Variants in CMIP observed in about 807,000 individuals in gnomAD.
CMIP encodes the protein C-Maf-inducing protein.
In CMIP, 13 loss-of-function variants were observed where a neutral mutation model predicts 97.3. The ratio of observed to expected loss-of-function variants is 0.13; its 90% CI spans 0.09 to 0.21. The LOEUF is 0.21. Among genes scored for constraint, CMIP ranks in the 10% least tolerant of loss-of-function variants. The probability of loss-of-function intolerance (pLI) is 1.00; values close to 1 mark genes in which losing one functional copy is unlikely to be tolerated. For missense variants in CMIP, 847 were observed against 1,024.9 expected, an observed-to-expected ratio of 0.83 and a Z score of 2.37; for synonymous variants, 538 against 436.3, an observed-to-expected ratio of 1.23 and a Z score of -2.91.
intron 1 of CMIP, among the ~76,000 whole-genome samples, chr16:81,595,936 G>A (rs1445034055): frequency 6.6e-6 from 1 of 152,066 alleles, no homozygotes; most frequent in Non-Finnish European, 1.5e-5. Flanking sequence ...TTAACTTTTC[G>A]AAGAACTACC....
At chr16:81,555,045 G>T (rs966336959) in intron 1 of CMIP, among the ~76,000 whole-genome samples, 1 of 152,134 alleles carries the variant, frequency 6.6e-6, no homozygotes, top group Non-Finnish European at 1.5e-5. Flanking sequence ...TCACCTTGGT[G>T]CCTCCTCTGT....
At chr16:81,569,710 C>T (rs2091049217) in intron 1 of CMIP, among the ~76,000 whole-genome samples, 2 of 152,210 alleles carry the variant, frequency 1.3e-5, no homozygotes, top group African/African-American at 4.8e-5. Flanking sequence ...AAAAGATGGG[C>T]ACAGTTGGCT....
At chr16:81,702,981 GTTTGT>G (rs1309455503) in intron 17 of CMIP, among the ~76,000 whole-genome samples, 1 of 152,122 alleles carries the variant, frequency 6.6e-6, no homozygotes, top group African/African-American at 2.4e-5. Flanking sequence ...TCTTCTATTA[GTTTGT>G]TTTATCCTCA....
At chr16:81,488,492 C>G (rs1313759178) in intron 1 of CMIP, among the ~76,000 whole-genome samples, 1 of 152,230 alleles carries the variant, frequency 6.6e-6, no homozygotes, top group African/African-American at 2.4e-5. Context: ...TAGTCATCCA[C>G]TCATTCCACC....
At position 81,627,162 on chromosome 16, in the gene CMIP, TG is replaced by T; in HGVS notation, c.477+6237del. On this transcript the variant is annotated intron_variant, in intron 3 of 20. Transcript: ENST00000537098. The surrounding 1 kb of genome is among the most constrained non-coding windows in gnomAD (Gnocchi z 4.6). Reference sequence around the variant, plus strand: ...GCCAACTATTTTATGAATGTGTGTGTGTGTGGCCTGTAGGGTGACTATTTTA... The same window carrying T: ...GCCAACTATTTTATGAATGTGTGTGTTGTGGCCTGTAGGGTGACTATTTTA... Among the ~76,000 whole-genome samples the T allele has an allele frequency of 6.6e-6, 1 of 150,722 alleles. No homozygotes were observed. Among genetic ancestry groups the T allele is most frequent in the Admixed American group, 6.6e-5 (1 of 15,116 alleles).
intron 7 of CMIP, chr16:81,665,298 T>A (rs1306889797): frequency 6.6e-6 from 1 of 152,184 alleles, no homozygotes. Context: ...AACTGAGGCT[T>A]AGCTAGGTCC....
chr16:81,495,536 C>G (rs1427958000), intron 1 of CMIP: 2 of 1,605,424 alleles, frequency 1.2e-6, no homozygotes, highest in Non-Finnish European at 1.7e-6. Context: ...AGCTTGATGT[C>G]TGTGCCTAAA....
At chr16:81,567,599 T>C (rs2091005309) in intron 1 of CMIP, among the ~76,000 whole-genome samples, 1 of 152,206 alleles carries the variant, frequency 6.6e-6, no homozygotes. Flanking sequence ...AGAGACCACA[T>C]GGGAAGTGTC....
At chr16:81,447,251 T>C (rs550208038) in intron 1 of CMIP, among the ~76,000 whole-genome samples, 150 of 151,320 alleles carry the variant, frequency 9.9e-4, no homozygotes, top group Non-Finnish European at 1.4e-3. Flanking sequence ...TTTTTTTTTT[T>C]CCTCTTACAC....
At chr16:81,558,059 G>T (rs2090802548) in intron 1 of CMIP, among the ~76,000 whole-genome samples, 1 of 152,154 alleles carries the variant, frequency 6.6e-6, no homozygotes, top group South Asian at 2.1e-4. Context: ...ATCCTTTGTG[G>T]TTGGCTTATT....
At chr16:81,576,202 G>A (rs868524222) in intron 1 of CMIP, among the ~76,000 whole-genome samples, 2 of 152,074 alleles carry the variant, frequency 1.3e-5, no homozygotes, top group Non-Finnish European at 2.9e-5. Context: ...TCAGGAGTTC[G>A]AGACTACCCT....
chr16:81,469,935 C>T (rs12596482), intron 1 of CMIP, among the ~76,000 whole-genome samples: 38,125 of 151,938 alleles, frequency 0.25, 5,548 homozygotes, highest in Admixed American at 0.4. Context: ...GCACCCTTGA[C>T]CTTGTCTGGT....
intron 1 of CMIP, among the ~76,000 whole-genome samples, chr16:81,531,975 A>G (rs1597514554): frequency 6.6e-6 from 1 of 152,188 alleles, no homozygotes; most frequent in Non-Finnish European, 1.5e-5. Flanking sequence ...ATACTTCTAA[A>G]ACTGTCCTGC....
At chr16:81,583,248 G>C (rs578015211) in intron 1 of CMIP, among the ~76,000 whole-genome samples, 1 of 152,350 alleles carries the variant, frequency 6.6e-6, no homozygotes, top group South Asian at 2.1e-4. Context: ...CATTGGGCAA[G>C]TCCTGGGCCT....
chr16:81,495,638 C>A, intron 1 of CMIP: 1 of 780,768 alleles, frequency 1.3e-6, no homozygotes, highest in East Asian at 2.8e-5. Flanking sequence ...CTGAGAGACC[C>A]CAGGCCCCTT....
chr16:81,556,142 C>T (rs1381999102), intron 1 of CMIP, among the ~76,000 whole-genome samples: 1 of 152,142 alleles, frequency 6.6e-6, no homozygotes, highest in Non-Finnish European at 1.5e-5. Flanking sequence ...CCAGAGATCT[C>T]AGGAGTAGAA....
intron 1 of CMIP, among the ~76,000 whole-genome samples, chr16:81,504,753 C>T (rs1402002189): frequency 2.0e-5 from 3 of 152,070 alleles, no homozygotes; most frequent in Non-Finnish European, 4.4e-5. Context: ...CGAGTGGTCC[C>T]AGTCTGTGCC....
chr16:81,685,606 G>T (rs1233482058), intron 10 of CMIP, among the ~76,000 whole-genome samples: 1 of 151,494 alleles, frequency 6.6e-6, no homozygotes, highest in Non-Finnish European at 1.5e-5. Context: ...GTATAGTGCC[G>T]CAGTTACAGG....
chr16:81,645,476 A>G (rs1318721627), intron 3 of CMIP: 29 of 1,532,828 alleles, frequency 1.9e-5, no homozygotes, highest in Admixed American at 3.9e-5. Context: ...CAAGGGGCAC[A>G]TTCCTGCTGA....
Sources: gnomAD v4.1 joint callset for allele counts (sites outside exome capture counted in the v4.1 genomes callset) on GRCh38, gnomAD v4.1.1 for gene constraint, Gnocchi (gnomAD v3.1) non-coding constraint, MANE v1.5 for transcripts, NCBI Gene and HGNC (gene_info 2026-07-23, HGNC 2026-07-21) for gene names.